The following SLC22A24 variants were observed in gnomAD, a reference collection of about 807,000 sequenced individuals.
SLC22A24 encodes steroid transmembrane transporter SLC22A24.
In SLC22A24, 53 loss-of-function variants were observed where a neutral mutation model predicts 49.8. The observed-to-expected ratio is 1.06, with a 90% CI of 0.85 to 1.34. The LOEUF is 1.34. Among genes scored for constraint, SLC22A24 ranks in the 40% most tolerant of loss-of-function variants. The probability of loss-of-function intolerance (pLI) is 0.00; values close to 1 mark genes in which losing one functional copy is unlikely to be tolerated. For synonymous variants in SLC22A24, 302 were observed against 256.4 expected (o/e 1.18, Z -1.70); for missense variants, 786 against 675.9 (o/e 1.16, Z -1.81).
rs183310805 is a variant in SLC22A24 at position 63,134,386 on chromosome 11, C to G, written c.506+279G>C. Among the ~76,000 whole-genome samples the G allele has an allele frequency of 5.9e-5, 9 of 152,332 alleles. No individual in the cohort carries two copies. The East Asian group carries it at 1.4e-3, about 23-fold the overall frequency. On this transcript the variant is annotated intron_variant, in intron 2 of 9. Coordinates refer to ENST00000612278, the MANE Select transcript of SLC22A24 (RefSeq NM_001136506.2). ...ACAAGTAAACCTCAAATCCTGTAAT[C>G]TACTCTAAAAATCCCTTCCTGAAAC...
chr11:63,102,265 C>T (rs1327311675), intron 5 of SLC22A24, among the ~76,000 whole-genome samples: 1 of 151,906 alleles, frequency 6.6e-6, no homozygotes. Flanking sequence ...AAAGAAATGG[C>T]TTTGGAATAC....
chr11:63,112,841 G>A (rs954509465), intron 4 of SLC22A24, among the ~76,000 whole-genome samples: 3 of 150,114 alleles, frequency 2.0e-5, no homozygotes, highest in African/African-American at 4.9e-5. Context: ...GTGAAACCCC[G>A]TCTCTACTAA....
chr11:63,093,953 T>C (rs2087036110), intron 6 of SLC22A24, among the ~76,000 whole-genome samples: 1 of 149,332 alleles, frequency 6.7e-6, no homozygotes, highest in Admixed American at 6.9e-5. Flanking sequence ...TGGCAAAATA[T>C]GGAACAACCA....
At chr11:63,126,489 G>A (rs1202774629) in intron 2 of SLC22A24, among the ~76,000 whole-genome samples, 1 of 152,152 alleles carries the variant, frequency 6.6e-6, no homozygotes, top group Non-Finnish European at 1.5e-5. Flanking sequence ...TGTTATTTCT[G>A]AGGCCCCTGT....
intron 6 of SLC22A24, among the ~76,000 whole-genome samples, chr11:63,088,856 G>A (rs571574827): frequency 1.2e-4 from 19 of 152,018 alleles, no homozygotes; most frequent in African/African-American, 3.4e-4. Context: ...CTGAAATAAC[G>A]TGTGAAGAAA....
chr11:63,083,504 C>G, intron 6 of SLC22A24, 47 bp from the exon 7 acceptor site: 1 of 1,432,268 alleles, frequency 7.0e-7, no homozygotes. Context: ...AGATTTAAAG[C>G]CTAGGAAACA....
chr11:63,087,021 G>GGT lies in SLC22A24; in HGVS notation c.1071-3565_1071-3564insAC, dbSNP rs1555045299. Among the ~76,000 whole-genome samples, 24 of 113,646 alleles carry GGT rather than the reference G, an allele frequency of 2.1e-4. 1 individual carries two copies. The highest frequency in any genetic ancestry group is 3.2e-4 in the Non-Finnish European group (17 of 53,418). The allele number at this position is 113,646 out of a possible 152,430, so 74.6% of individuals were successfully genotyped here. The stretch of plus-strand genomic sequence containing the variant: ...ATGAATTAAGCTTTTCTGCCTGGAG[G>GGT]GCGCACACACACACACACACACACA... On this transcript the variant is annotated intron_variant, in intron 6 of 9. Transcript: ENST00000612278.
At chr11:63,111,517 C>G (rs1590739089) in intron 4 of SLC22A24, among the ~76,000 whole-genome samples, 1 of 152,236 alleles carries the variant, frequency 6.6e-6, no homozygotes, top group African/African-American at 2.4e-5. Flanking sequence ...ATTATTGCCA[C>G]AATTTCATAG....
chr11:63,131,358 G>A (rs1187079520), intron 2 of SLC22A24, among the ~76,000 whole-genome samples: 3 of 152,180 alleles, frequency 2.0e-5, no homozygotes, highest in African/African-American at 4.8e-5. Context: ...AATTGAGGCA[G>A]TGTCTTCATA....
chr11:63,138,860 C>T (rs1177442034), intron 1 of SLC22A24, among the ~76,000 whole-genome samples: 1 of 151,982 alleles, frequency 6.6e-6, no homozygotes, highest in South Asian at 2.1e-4. Flanking sequence ...CCATGGATAG[C>T]TTTTGATTTC....
chr11:63,120,708 A>G (rs1354540021), intron 2 of SLC22A24, among the ~76,000 whole-genome samples: 3 of 152,160 alleles, frequency 2.0e-5, no homozygotes, highest in Non-Finnish European at 4.4e-5. Flanking sequence ...TAGCATACAA[A>G]CAAACTTTAG....
At chr11:63,110,905 G>C (rs1044518910) in intron 4 of SLC22A24, among the ~76,000 whole-genome samples, 28 of 150,862 alleles carry the variant, frequency 1.9e-4, no homozygotes, top group African/African-American at 6.8e-4. Flanking sequence ...AGTGGTGAGA[G>C]AGGGCATCCC....
chr11:63,119,402 A>G (rs2134666915), intron 2 of SLC22A24, 67 bp from the exon 3 acceptor site: 1 of 1,369,586 alleles, frequency 7.3e-7, no homozygotes, highest in East Asian at 2.5e-5. Flanking sequence ...CTTGACAAAC[A>G]ATGGCGCATC....
At chr11:63,091,410 C>G (rs2087019820) in intron 6 of SLC22A24, among the ~76,000 whole-genome samples, 2 of 152,146 alleles carry the variant, frequency 1.3e-5, no homozygotes, top group Admixed American at 1.3e-4. Context: ...TTTTATGAGG[C>G]CAGCATCTTC....
intron 6 of SLC22A24, among the ~76,000 whole-genome samples, chr11:63,095,162 G>A (rs1161853705): frequency 6.6e-6 from 1 of 152,148 alleles, no homozygotes; most frequent in Non-Finnish European, 1.5e-5. Context: ...TTTTGTGTAA[G>A]GTGTAAGGGA....
chr11:63,096,033 G>A lies in SLC22A24; in HGVS notation c.1028C>T (p.Ala343Val). 6.4e-7 allele frequency: 1 copy of A among 1,550,934 alleles called. No individual in the cohort carries two copies. Among genetic ancestry groups the A allele is most frequent in the South Asian group, 1.2e-5 (1 of 84,030 alleles). Residue 343 changes from alanine to valine, a missense_variant, in exon 6 of 10, where the codon GCA becomes GTA. Physicochemically the swap from Ala to Val is moderately conservative, Grantham distance 64. Transcript: ENST00000612278. ...IKTSIFSLFR[A>V]PKLRMRVFGL... ...GAAGACTCTCATTCGCAATTTGGGT[G>A]CACGGAACAGGGAAAAAATGGATGT...
intron 1 of SLC22A24, among the ~76,000 whole-genome samples, chr11:63,135,241 A>G (rs964473294): frequency 5.9e-5 from 9 of 152,200 alleles, no homozygotes; most frequent in African/African-American, 1.9e-4. Flanking sequence ...TTAGCAGTCT[A>G]TAATTCAACT....
At chr11:63,137,538 C>T (rs191411831) in intron 1 of SLC22A24, among the ~76,000 whole-genome samples, 1 of 152,290 alleles carries the variant, frequency 6.6e-6, no homozygotes, top group East Asian at 1.9e-4. Flanking sequence ...TCTCTCCCCA[C>T]CTGGAGTGGA....
chr11:63,111,774 A>G (rs1299687822), intron 4 of SLC22A24, among the ~76,000 whole-genome samples: 1 of 151,944 alleles, frequency 6.6e-6, no homozygotes, highest in Non-Finnish European at 1.5e-5. Context: ...TGGTCTATCA[A>G]TTTTGTTGAT....
Sources: gnomAD v4.1 joint callset for allele counts (sites outside exome capture counted in the v4.1 genomes callset) on GRCh38, gnomAD v4.1.1 for gene constraint, MANE v1.5 for transcripts, NCBI Gene and HGNC (gene_info 2026-07-23, HGNC 2026-07-21) for gene names.